Variants in PPP2R2B observed in about 807,000 individuals in gnomAD.
PPP2R2B encodes the protein serine/threonine-protein phosphatase 2A 55 kDa regulatory subunit B beta isoform.
Under a neutral mutation model 46.0 loss-of-function variants are expected in PPP2R2B, and 5 were observed. The observed-to-expected ratio is 0.11, with a 90% CI of 0.06 to 0.23. PPP2R2B has a LOEUF of 0.23. Among genes scored for constraint, PPP2R2B ranks in the 10% least tolerant of loss-of-function variants. The pLI, the probability that PPP2R2B is intolerant of heterozygous loss-of-function variation, is 1.00. For synonymous variants in PPP2R2B, 215 were observed against 206.7 expected (o/e 1.04, Z -0.34); for missense variants, 367 against 575.0 (o/e 0.64, Z 3.70).
chr5:146,823,575 TA>T (rs1300777430), intron 2 of PPP2R2B, among the ~76,000 whole-genome samples: 3 of 152,172 alleles, frequency 2.0e-5, no homozygotes, highest in African/African-American at 7.2e-5. Context: ...CCAAGTAGTT[TA>T]ATTTCGAGAA....
chr5:146,704,353 T>C (rs908109253), intron 2 of PPP2R2B, among the ~76,000 whole-genome samples: 1 of 152,204 alleles, frequency 6.6e-6, no homozygotes, highest in East Asian at 1.9e-4. Flanking sequence ...TTAGAGATAA[T>C]AACGTCATTT....
intron 2 of PPP2R2B, among the ~76,000 whole-genome samples, chr5:146,707,823 ACT>A (rs1359855928): frequency 2.0e-5 from 3 of 151,950 alleles, no homozygotes; most frequent in Middle Eastern, 3.2e-3. Context: ...ATACCCACAC[ACT>A]CTCTCTCTAT....
chr5:146,956,006 T>C (rs1386989324), intron 1 of PPP2R2B, among the ~76,000 whole-genome samples: 1 of 151,938 alleles, frequency 6.6e-6, no homozygotes, highest in Non-Finnish European at 1.5e-5. Context: ...CTCGAACTCC[T>C]GAACTCATGA....
chr5:147,050,477 T>C (rs541307117), intron 1 of PPP2R2B, among the ~76,000 whole-genome samples: 1 of 152,164 alleles, frequency 6.6e-6, no homozygotes, highest in Non-Finnish European at 1.5e-5. Flanking sequence ...TCCATAAATA[T>C]GAAAAAGGTA....
At chr5:146,920,413 G>A (rs765987432) in intron 1 of PPP2R2B, among the ~76,000 whole-genome samples, 9 of 152,276 alleles carry the variant, frequency 5.9e-5, no homozygotes, top group South Asian at 4.1e-4. Flanking sequence ...ACCATGGGCC[G>A]TGCAGGCAGT....
chr5:146,812,105 C>T (rs954931590), intron 2 of PPP2R2B, among the ~76,000 whole-genome samples: 1 of 152,030 alleles, frequency 6.6e-6, no homozygotes, highest in Non-Finnish European at 1.5e-5. Context: ...ACTTTTGTCA[C>T]TAACTAGTTC....
intron 1 of PPP2R2B, among the ~76,000 whole-genome samples, chr5:147,026,017 A>C (rs1411728551): frequency 1.3e-5 from 2 of 152,132 alleles, no homozygotes; most frequent in Non-Finnish European, 2.9e-5. Flanking sequence ...TGGAACTTTC[A>C]TACATTGCTG....
At chr5:146,595,812 C>T (rs1262708084) in intron 8 of PPP2R2B, among the ~76,000 whole-genome samples, 2 of 152,184 alleles carry the variant, frequency 1.3e-5, no homozygotes, top group Non-Finnish European at 2.9e-5. Flanking sequence ...ATTTGATGTT[C>T]TTTCTTCATG....
chr5:146,838,625 A>G (rs1199734566), intron 2 of PPP2R2B, among the ~76,000 whole-genome samples: 1 of 152,020 alleles, frequency 6.6e-6, no homozygotes, highest in Non-Finnish European at 1.5e-5. Flanking sequence ...GGACAGAGTT[A>G]CATAATGGGA....
In PPP2R2B at chr5:146,908,282, T is replaced by G. The variant is rs1763066637; in HGVS notation, c.79+147383A>C. Among the ~76,000 whole-genome samples the G allele has an allele frequency of 2.6e-5, 4 of 152,174 alleles. No homozygotes were observed. The South Asian group carries it at 8.3e-4, about 32-fold the overall frequency. Reference sequence around the variant, plus strand: ...ATGACAGATCTTTGTAAAGGTTGGTTGTGATGAAAACCAAGTATGGTGCAA... The same window carrying G: ...ATGACAGATCTTTGTAAAGGTTGGTGGTGATGAAAACCAAGTATGGTGCAA... On this transcript the variant is annotated intron_variant, in intron 1 of 8. Coordinates refer to the PPP2R2B transcript ENST00000336640.
intron 7 of PPP2R2B, 59 bp from the exon 8 acceptor site, chr5:146,600,519 T>A (rs1771679324): frequency 6.5e-7 from 1 of 1,546,218 alleles, no homozygotes; most frequent in Non-Finnish European, 8.8e-7. Flanking sequence ...GACTCTAACA[T>A]GTTTGGACTG....
chr5:146,906,011 C>T (rs1007628627), intron 1 of PPP2R2B, among the ~76,000 whole-genome samples: 1 of 151,918 alleles, frequency 6.6e-6, no homozygotes, highest in African/African-American at 2.4e-5. Context: ...TAATGGAAAG[C>T]TTGTAAGCAG....
At chr5:146,839,045 C>T (rs1312185516) in intron 2 of PPP2R2B, among the ~76,000 whole-genome samples, 3 of 152,176 alleles carry the variant, frequency 2.0e-5, no homozygotes, top group East Asian at 3.9e-4. Flanking sequence ...TACTGATTTC[C>T]AACCTTCCCT....
intron 2 of PPP2R2B, among the ~76,000 whole-genome samples, chr5:147,069,785 GTTTTT>G (rs540998224): frequency 1.9e-4 from 12 of 64,790 alleles, no homozygotes; most frequent in African/African-American, 6.0e-4. Flanking sequence ...ATTTTATACT[GTTTTT>G]TTTTTTTTTT....
intron 1 of PPP2R2B, among the ~76,000 whole-genome samples, chr5:146,899,416 T>C (rs1025154147): frequency 2.1e-5 from 3 of 139,758 alleles, no homozygotes; most frequent in Non-Finnish European, 4.5e-5. Context: ...TAGGTGGGAA[T>C]TGAACAATGA....
intron 2 of PPP2R2B, among the ~76,000 whole-genome samples, chr5:146,744,465 A>G (rs1239989712): frequency 2.6e-5 from 4 of 152,214 alleles, no homozygotes; most frequent in Non-Finnish European, 5.9e-5. Flanking sequence ...CAGTGACAAC[A>G]CACAGGCTGG....
At chr5:146,831,220 A>T (rs915906150) in intron 2 of PPP2R2B, among the ~76,000 whole-genome samples, 3 of 151,924 alleles carry the variant, frequency 2.0e-5, no homozygotes, top group African/African-American at 7.3e-5. Flanking sequence ...TGGGTTGCTG[A>T]GCACAGTGGC....
At chr5:146,650,435 T>A in intron 6 of PPP2R2B, 112 bp downstream of exon 6, 2 of 978,392 alleles carry the variant, frequency 2.0e-6, no homozygotes, top group Non-Finnish European at 3.0e-6. Context: ...AAGGGGCAAG[T>A]TCTCCGCAAA....
chr5:146,732,096 A>C (rs1169563278), intron 2 of PPP2R2B, among the ~76,000 whole-genome samples: 1 of 152,192 alleles, frequency 6.6e-6, no homozygotes, highest in Non-Finnish European at 1.5e-5. Flanking sequence ...AAAGTCCTTG[A>C]TGCTGACTCA....
Sources: gnomAD v4.1 joint callset for allele counts (sites outside exome capture counted in the v4.1 genomes callset) on GRCh38, gnomAD v4.1.1 for gene constraint, MANE v1.5 for transcripts, NCBI Gene and HGNC (gene_info 2026-07-23, HGNC 2026-07-21) for gene names.